Variants in SHISA9 observed in about 807,000 individuals in gnomAD.
SHISA9 encodes protein shisa-9.
SHISA9 carries 13 observed loss-of-function variants against 38.0 expected under a neutral mutation model. The ratio of observed to expected loss-of-function variants is 0.34; its 90% CI spans 0.22 to 0.54. The LOEUF (loss-of-function observed/expected upper bound fraction) is 0.54. Ranked by LOEUF, SHISA9 falls within the 20% of genes least tolerant of loss-of-function variation. SHISA9 has a pLI of 0.91. For missense variants in SHISA9, 538 were observed against 575.8 expected, an observed-to-expected ratio of 0.93 and a Z score of 0.67; for synonymous variants, 275 against 242.0, an observed-to-expected ratio of 1.14 and a Z score of -1.27.
chr16:13,060,729 G>A (rs1218632905), intron 2 of SHISA9, among the ~76,000 whole-genome samples: 1 of 151,244 alleles, frequency 6.6e-6, no homozygotes, highest in East Asian at 1.9e-4. Flanking sequence ...GACAACAGAA[G>A]AGCCACGAGC....
At chr16:13,084,897 AAGGTTTTGTTTG>A (rs1470477153) in intron 2 of SHISA9, among the ~76,000 whole-genome samples, 5 of 152,048 alleles carry the variant, frequency 3.3e-5, no homozygotes, top group Non-Finnish European at 4.4e-5. Context: ...CCAAGGGGGG[AAGGTTTTGTTTG>A]AGGCCAATTT....
At chr16:13,428,291 G>A in the SHISA9 span, among the ~76,000 whole-genome samples, 1 of 151,832 alleles carries the variant, frequency 6.6e-6, no homozygotes, top group Non-Finnish European at 1.5e-5. Context: ...GAAAAACAAA[G>A]AAAGAGAGAG....
At chr16:13,557,182 C>G in the SHISA9 span, among the ~76,000 whole-genome samples, 3 of 152,206 alleles carry the variant, frequency 2.0e-5, no homozygotes, top group Admixed American at 2.0e-4. Context: ...CTTCCTTCCT[C>G]TCCCCTAAGG....
chr16:12,954,941 C>T (rs1295179610), intron 2 of SHISA9, among the ~76,000 whole-genome samples: 2 of 152,066 alleles, frequency 1.3e-5, no homozygotes, highest in East Asian at 1.9e-4. Flanking sequence ...ACTATGCACT[C>T]GGTATGTGAT....
chr16:13,001,120 G>T (rs2072519136), intron 2 of SHISA9, among the ~76,000 whole-genome samples: 1 of 152,206 alleles, frequency 6.6e-6, no homozygotes, highest in African/African-American at 2.4e-5. Context: ...TAGAGACGGG[G>T]TTTCACCATG....
the SHISA9 span, among the ~76,000 whole-genome samples, chr16:13,369,746 G>T: frequency 5.3e-5 from 8 of 152,088 alleles, no homozygotes; most frequent in Non-Finnish European, 1.2e-4. Context: ...CATGTTGGGG[G>T]ATGTAGGGTG....
At chr16:13,249,823 G>C in the SHISA9 span, among the ~76,000 whole-genome samples, 913 of 152,192 alleles carry the variant, frequency 6.0e-3, 8 homozygotes, top group African/African-American at 0.021. Context: ...GCCTCAACCT[G>C]TGAGACTCAA....
intron 2 of SHISA9, among the ~76,000 whole-genome samples, chr16:12,921,322 C>T (rs377323144): frequency 5.3e-5 from 8 of 152,276 alleles, no homozygotes; most frequent in Non-Finnish European, 8.8e-5. Flanking sequence ...AGTTCCCAAA[C>T]GGACTTACAA....
intron 2 of SHISA9, among the ~76,000 whole-genome samples, chr16:13,146,031 T>C (rs779079148): frequency 3.7e-4 from 56 of 152,174 alleles, no homozygotes; most frequent in Non-Finnish European, 6.6e-4. Flanking sequence ...TTACTAAAGA[T>C]ACAAAAATTA....
At chr16:13,163,104 C>A (rs745465455) in intron 2 of SHISA9, among the ~76,000 whole-genome samples, 4 of 152,098 alleles carry the variant, frequency 2.6e-5, no homozygotes, top group Non-Finnish European at 4.4e-5. Context: ...TGACCTTGGA[C>A]AAGTCACTTA....
chr16:13,262,147 A>T, the SHISA9 span, among the ~76,000 whole-genome samples: 1 of 152,202 alleles, frequency 6.6e-6, no homozygotes, highest in Non-Finnish European at 1.5e-5. Context: ...ATGCCCCCAA[A>T]CAATTTGGCA....
At chr16:13,134,918 A>T (rs1377397820) in intron 2 of SHISA9, among the ~76,000 whole-genome samples, 1 of 152,116 alleles carries the variant, frequency 6.6e-6, no homozygotes, top group Non-Finnish European at 1.5e-5. Flanking sequence ...CTCTTAGCAG[A>T]GAGGGAAAAA....
At chr16:12,961,018 T>C (rs2071904112) in intron 2 of SHISA9, among the ~76,000 whole-genome samples, 1 of 148,538 alleles carries the variant, frequency 6.7e-6, no homozygotes, top group Non-Finnish European at 1.5e-5. Flanking sequence ...ATTATATCTG[T>C]AACATGTGGG....
intron 2 of SHISA9, among the ~76,000 whole-genome samples, chr16:13,010,866 C>T (rs1314041402): frequency 5.3e-5 from 8 of 152,124 alleles, no homozygotes; most frequent in East Asian, 1.9e-4. Context: ...GCACAAGAAT[C>T]GCTTGAACCC....
the SHISA9 span, among the ~76,000 whole-genome samples, chr16:13,397,495 T>C: frequency 6.6e-6 from 1 of 152,258 alleles, no homozygotes; most frequent in East Asian, 1.9e-4. Flanking sequence ...AGTACAGTAG[T>C]GCAATCTTGG....
chr16:13,474,244 C>T, the SHISA9 span: 1 of 152,172 alleles, frequency 6.6e-6, no homozygotes, highest in Non-Finnish European at 1.5e-5. Flanking sequence ...CTCCTCAAAA[C>T]ATAGAAAGCA....
rs59373577 is a variant in SHISA9, at chr16:13,003,367, G to A, written c.691+86552G>A. Among the ~76,000 whole-genome samples the A allele has an allele frequency of 5.7e-4, 87 of 152,250 alleles. 1 individual carries two copies. Among genetic ancestry groups the A allele is most frequent in the African/African-American group, 1.9e-3 (80 of 41,542 alleles). On this transcript the variant is annotated intron_variant, in intron 2 of 4. Coordinates refer to ENST00000558583, the MANE Select transcript of SHISA9 (RefSeq NM_001145204.3). ...TTTAGACCTGGATCTCTCTGCCCTC[G>A]GAGACTTTGTTCTACTCTCCTACAC...
intron 4 of SHISA9, among the ~76,000 whole-genome samples, chr16:13,219,146 G>A (rs1489440425): frequency 6.6e-6 from 1 of 152,200 alleles, no homozygotes; most frequent in Non-Finnish European, 1.5e-5. Flanking sequence ...AATGCGCAAA[G>A]AGGGTTCTCT....
At chr16:13,354,347 T>G in the SHISA9 span, among the ~76,000 whole-genome samples, 3 of 109,686 alleles carry the variant, frequency 2.7e-5, no homozygotes, top group Non-Finnish European at 3.8e-5. Flanking sequence ...GTGATCAGGG[T>G]GAGGAACAGG....
Sources: allele counts gnomAD v4.1 joint callset (sites outside exome capture counted in the v4.1 genomes callset), GRCh38; gene constraint gnomAD v4.1.1; transcripts MANE v1.5; gene names NCBI Gene and HGNC (gene_info 2026-07-23, HGNC 2026-07-21).